The following IPO4 variants were observed in gnomAD, a reference collection of about 807,000 sequenced individuals.
IPO4 encodes the protein importin-4.
In IPO4, 91 loss-of-function variants were observed where a neutral mutation model predicts 133.5. The observed-to-expected ratio is 0.68, with a 90% CI of 0.58 to 0.81. IPO4 has a LOEUF of 0.81. Ranked by LOEUF, IPO4 falls within the 30% of genes least tolerant of loss-of-function variation. IPO4 has a pLI of 0.00. For missense variants in IPO4, 1,279 were observed against 1,386.2 expected (o/e 0.92, Z 1.23); for synonymous variants, 607 against 581.6 (o/e 1.04, Z -0.63).
chr14:24,184,397 C>A lies in IPO4; in HGVS notation c.1658G>T (p.Arg553Leu), dbSNP rs1468353720. 1.9e-6 allele frequency: 3 copies of A among 1,609,558 alleles called. No individual in the cohort carries two copies. The highest frequency in any genetic ancestry group is 1.1e-5 in the South Asian group (1 of 90,176). ...CGGCCTCATGGGCTCCCCCACTGCT[C>A]GTGCCAGCACCCCCAGTGTCTCTGT... ...QSLETLGVLA[R>L]AVGEPMRPLA... The change falls in exon 17 of 30, where the codon CGA (arginine) becomes CTA (leucine). Residue 553 changes from arginine (R) to leucine (L), a missense_variant. Around this residue, in one of 3 missense-constraint regions of IPO4, gnomAD observed 695 missense variants for 704.1 expected, o/e 0.99. Transcript: ENST00000354464.
rs764229899 is a variant in IPO4, at chr14:24,188,549, C to T, written c.156+3G>A. 6.2e-7 allele frequency: 1 copy of T among 1,611,846 alleles called. No homozygotes were observed. Among genetic ancestry groups the T allele is most frequent in the Admixed American group, 1.7e-5 (1 of 59,884 alleles). On this transcript the variant is annotated splice_donor_region_variant and intron_variant, in intron 2 of 29. Transcript: ENST00000354464. Reference sequence around the variant, plus strand: ...GCTCGGAGGGGAGAGTCAGGGGTCTCACCTGGGGGTCGGCCGCCGAGGCTA... The same window carrying T: ...GCTCGGAGGGGAGAGTCAGGGGTCTTACCTGGGGGTCGGCCGCCGAGGCTA...
chr14:24,184,440 T>C, intron 16 of IPO4, 22 bp from the exon 17 acceptor site: 6 of 1,600,592 alleles, frequency 3.7e-6, no homozygotes, highest in Non-Finnish European at 5.1e-6. Context: ...AGGGCTCCAT[T>C]AGCACCAGGA....
rs765624755 is a variant in IPO4 at position 24,182,402 on chromosome 14, G to C, written c.2474C>G (p.Ala825Gly). The C allele has an allele frequency of 1.2e-6, 2 of 1,608,110 alleles. No homozygotes were observed. The highest frequency in any genetic ancestry group is 1.7e-6 in the Non-Finnish European group (2 of 1,177,774). The change falls in exon 25 of 30, where the codon GCT (alanine) becomes GGT (glycine). Residue 825 changes from alanine (A) to glycine (G), a missense_variant and splice_region_variant. Physicochemically the swap from Ala to Gly is moderately conservative, Grantham distance 60 (BLOSUM62 0). This residue lies in a region of IPO4 where 575 missense variants were observed against 653.4 expected (regional missense o/e 0.88). Coordinates refer to ENST00000354464, the MANE Select transcript of IPO4 (RefSeq NM_024658.4). ...CTCCAGCAACATGGCGTCGTATTCA[G>C]CCTGTGGAGCCAGGTCAGGGGCTGG... ...EEEEEEDDDQAEYDAMLLEHA... is the reference protein window; with the variant it reads ...EEEEEEDDDQGEYDAMLLEHA...
In IPO4 at chr14:24,188,640, TG is replaced by T; in HGVS notation, c.70-3del. 6.2e-7 allele frequency: 1 copy of T among 1,610,184 alleles called. No homozygotes were observed. Among genetic ancestry groups the T allele is most frequent in the Non-Finnish European group, 8.5e-7 (1 of 1,178,322 alleles). The stretch of plus-strand genomic sequence containing the variant: ...AACGATCTGGAGCTGTTCCGTGGCC[TG>T]GGGGGAAGCTAGGGGTGAGAGTTGG... On this transcript the variant is annotated splice_polypyrimidine_tract_variant and splice_region_variant and intron_variant, in intron 1 of 29. Coordinates refer to ENST00000354464, the MANE Select transcript of IPO4 (RefSeq NM_024658.4).
In IPO4 at chr14:24,181,991, C is replaced by T; in HGVS notation, c.2771G>A (p.Gly924Asp). 6.2e-7 allele frequency: 1 copy of T among 1,612,508 alleles called. No homozygotes were observed. The highest frequency in any genetic ancestry group is 8.5e-7 in the Non-Finnish European group (1 of 1,180,034). The change falls in exon 26 of 30, where the codon GGC becomes GAC. Residue 924 changes from glycine to aspartate, a missense_variant. By Grantham distance (94) the Gly-to-Asp change is moderately conservative. This residue lies in a region of IPO4 where 575 missense variants were observed against 653.4 expected (regional missense o/e 0.88). Coordinates refer to ENST00000354464, the MANE Select transcript of IPO4 (RefSeq NM_024658.4). Reference protein sequence around the residue: ...EVRSNAIFGMGVLAEHGGHPA... With the variant: ...EVRSNAIFGMDVLAEHGGHPA... Reference sequence around the variant, plus strand: ...GTGGCCCCCATGCTCTGCCAGCACGCCCATCCCGAAGATGGCATTGCTTCG... The same window carrying T: ...GTGGCCCCCATGCTCTGCCAGCACGTCCATCCCGAAGATGGCATTGCTTCG...
chr14:24,182,496 G>C (rs1388283082), intron 24 of IPO4, 93 bp from the exon 25 acceptor site: 1 of 1,522,660 alleles, frequency 6.6e-7, no homozygotes, highest in Non-Finnish European at 8.9e-7. Flanking sequence ...AGGGGTCCCT[G>C]GGGCTGCCCT....
intron 20 of IPO4, 33 bp from the exon 21 acceptor site, chr14:24,183,546 C>A (rs1287125267): frequency 3.1e-6 from 5 of 1,613,894 alleles, no homozygotes; most frequent in Non-Finnish European, 3.4e-6. Flanking sequence ...GGGTAAGGGG[C>A]CCCCAGGCAG....
chr14:24,187,629 C>T (rs1424074972), intron 5 of IPO4, 38 bp downstream of exon 5: 1 of 1,613,686 alleles, frequency 6.2e-7, no homozygotes, highest in Non-Finnish European at 8.5e-7. Flanking sequence ...TCTATCCAGC[C>T]TCTCAGGCCC....
Position 24,186,637 on chromosome 14 carries a change from G to A in IPO4, c.840+71C>T, listed in dbSNP as rs1487237210. 18 of 1,462,662 alleles carry A rather than the reference G, an allele frequency of 1.2e-5. 1 individual carries two copies. Among genetic ancestry groups the A allele is most frequent in the Middle Eastern group, 1.9e-4 (1 of 5,180 alleles). The allele number at this position is 1,462,662 out of a possible 1,614,324, so 90.6% of individuals were successfully genotyped here. ...TACTTTAGATACCCTGAGATGGACCGAAAGCCCCAGGAGTGAGACTAAGGG... is the reference window on the plus strand; with the variant it reads ...TACTTTAGATACCCTGAGATGGACCAAAAGCCCCAGGAGTGAGACTAAGGG... On this transcript the variant is annotated intron_variant, in intron 9 of 29. Transcript: ENST00000354464.
chr14:24,186,810 A>C lies in IPO4; in HGVS notation c.757-19T>G. Reference sequence around the variant, plus strand: ...TAGCTACCTGTCCACAGAATAATAAAAATCAGCGACAGGGAAGGAGAGTCC... The same window carrying C: ...TAGCTACCTGTCCACAGAATAATAACAATCAGCGACAGGGAAGGAGAGTCC... On this transcript the variant is annotated intron_variant, in intron 8 of 29. Transcript: ENST00000354464. 3 of 1,613,850 alleles carry C rather than the reference A, an allele frequency of 1.9e-6. No homozygotes were observed. The highest frequency in any genetic ancestry group is 2.5e-6 in the Non-Finnish European group (3 of 1,179,754).
chr14:24,180,907 G>A, intron 28 of IPO4, 149 bp from the exon 29 acceptor site: 1 of 628,968 alleles, frequency 1.6e-6, no homozygotes, highest in East Asian at 2.8e-5. Context: ...CTATGAACAT[G>A]AGAAGAACCA....
At chr14:24,185,069 C>T (rs922468025) in intron 14 of IPO4, 89 bp from the exon 15 acceptor site, 25 of 1,587,914 alleles carry the variant, frequency 1.6e-5, no homozygotes, top group Non-Finnish European at 2.1e-5. Context: ...TTTTTGGCAC[C>T]ATCACACCCT....
In IPO4 at chr14:24,184,012, T is replaced by C; in HGVS notation, c.1855A>G (p.Thr619Ala). ...TTLMLLSLRS[T>A]EGIVPQYDGS... ...CCTTTGCTCACCACAATGCCCTCGGTGGAACGCAGTGACAGCAGCATGAGC... is the reference window on the plus strand; with the variant it reads ...CCTTTGCTCACCACAATGCCCTCGGCGGAACGCAGTGACAGCAGCATGAGC... The change falls in exon 18 of 30, where the codon ACC becomes GCC. Residue 619 changes from threonine (T) to alanine (A), a missense_variant. This residue lies in a region of IPO4 where 575 missense variants were observed against 653.4 expected (regional missense o/e 0.88). Coordinates refer to ENST00000354464, the MANE Select transcript of IPO4 (RefSeq NM_024658.4). 1 of 1,333,328 alleles carries C rather than the reference T, an allele frequency of 7.5e-7. No individual in the cohort carries two copies. The highest frequency in any genetic ancestry group is 1.0e-6 in the Non-Finnish European group (1 of 998,560). The allele number at this position is 1,333,328 out of a possible 1,614,324, so 82.6% of individuals were successfully genotyped here.
chr14:24,188,249 G>C lies in IPO4; in HGVS notation c.245C>G (p.Ser82Cys). ...LAAEQRESLK[S>C]LILTALQRET... ...TCTCTGCAGGGCCGTCAGGATCAGG[G>C]ACTTGAGGCTGGAACACAGGTGGCA... Residue 82 changes from serine to cysteine, a missense_variant, in exon 4 of 30, where the codon TCC becomes TGC. Transcript: ENST00000354464. 6.2e-7 allele frequency: 1 copy of C among 1,613,754 alleles called. No individual in the cohort carries two copies. Among genetic ancestry groups the C allele is most frequent in the Non-Finnish European group, 8.5e-7 (1 of 1,179,844 alleles).
At chr14:24,184,818 A>G (rs774045922) in intron 15 of IPO4, 49 bp downstream of exon 15, 2 of 1,604,276 alleles carry the variant, frequency 1.2e-6, no homozygotes, top group Non-Finnish European at 1.7e-6. Context: ...CACCAGCCAC[A>G]GGGCCTTTGG....
At position 24,185,573 on chromosome 14, in the gene IPO4, TG is replaced by T. The variant is rs568625532; in HGVS notation, c.1170-7del. The T allele has an allele frequency of 7.9e-5, 128 of 1,612,096 alleles. 1 individual carries two copies. In the East Asian group the frequency reaches 2.7e-3, roughly 35 times the overall value. On this transcript the variant is annotated splice_polypyrimidine_tract_variant and splice_region_variant and intron_variant, in intron 12 of 29. Coordinates refer to ENST00000354464, the MANE Select transcript of IPO4 (RefSeq NM_024658.4). Reference sequence around the variant, plus strand: ...GCAGCAGTGGGGGCAGCAGTCTGGATGGGGCAAACAAGAGGACATAGGCTGA... The same window carrying T: ...GCAGCAGTGGGGGCAGCAGTCTGGATGGGCAAACAAGAGGACATAGGCTGA...
rs2039218647 is a variant in IPO4 at position 24,186,111 on chromosome 14, G to T, written c.1059+18C>A. 10 of 1,613,660 alleles carry T rather than the reference G, an allele frequency of 6.2e-6. No individual in the cohort carries two copies. The East Asian group carries it at 2.2e-4, about 36-fold the overall frequency. ...ACACTTGGAGGTAGGGACACCAGAA[G>T]GACAGAGCCACACTTACCAGCTGGG... On this transcript the variant is annotated intron_variant, in intron 11 of 29. Transcript: ENST00000354464.
At chr14:24,186,548 G>A (rs1298182640) in intron 9 of IPO4, 97 bp from the exon 10 acceptor site, 1 of 1,454,614 alleles carries the variant, frequency 6.9e-7, no homozygotes, top group Non-Finnish European at 9.3e-7. Flanking sequence ...GGGTCTGACA[G>A]AAAATTCCCA....
Position 24,183,264 on chromosome 14 carries a change from T to C in IPO4, c.2213A>G (p.Glu738Gly). 6.2e-7 allele frequency: 1 copy of C among 1,613,790 alleles called. No individual in the cohort carries two copies. The highest frequency in any genetic ancestry group is 1.1e-5 in the South Asian group (1 of 90,996). ...CCTCTCCTCACCAGCAGTGTTGGGT[T>C]CCGAGGGGCAGCTTTGACAGGCCTT... Reference protein sequence around the residue: ...LHKACQSCPSEPNTAALQAAL... With the variant: ...LHKACQSCPSGPNTAALQAAL... The change falls in exon 22 of 30, where the codon GAA becomes GGA. Residue 738 changes from glutamate to glycine, a missense_variant. By Grantham distance (98) the Glu-to-Gly change is moderately conservative. Around this residue, in one of 3 missense-constraint regions of IPO4, gnomAD observed 575 missense variants for 653.4 expected, o/e 0.88. Transcript: ENST00000354464.
Sources: allele counts gnomAD v4.1 joint callset, GRCh38; gene constraint gnomAD v4.1.1; regional missense constraint gnomAD v4.1.1; transcripts MANE v1.5; gene names NCBI Gene and HGNC (gene_info 2026-07-23, HGNC 2026-07-21).